The following ATF2 variants were observed in gnomAD, a reference collection of about 807,000 sequenced individuals.
The protein encoded by ATF2 is cyclic AMP-dependent transcription factor ATF-2.
ATF2 carries 24 observed loss-of-function variants against 60.6 expected under a neutral mutation model. The observed-to-expected ratio is 0.40, with a 90% CI of 0.29 to 0.56. The LOEUF (loss-of-function observed/expected upper bound fraction) is 0.56, where lower values mean the gene tolerates loss of function less well. Among genes scored for constraint, ATF2 ranks in the 20% least tolerant of loss-of-function variants. The pLI, the probability that ATF2 is intolerant of heterozygous loss-of-function variation, is 0.54. For synonymous variants in ATF2, 206 were observed against 215.4 expected, an observed-to-expected ratio of 0.96 and a Z score of 0.38; for missense variants, 433 against 607.7, an observed-to-expected ratio of 0.71 and a Z score of 3.02.
At chr2:175,085,122 G>T (rs564726806) in intron 12 of ATF2, among the ~76,000 whole-genome samples, 1 of 152,074 alleles carries the variant, frequency 6.6e-6, no homozygotes, top group Non-Finnish European at 1.5e-5. Flanking sequence ...AATCACAAAT[G>T]TCTTCTCTCT....
intron 4 of ATF2, among the ~76,000 whole-genome samples, chr2:175,127,673 C>A (rs1008208880): frequency 2.6e-5 from 4 of 152,162 alleles, no homozygotes; most frequent in African/African-American, 4.8e-5. Flanking sequence ...TTAAACACAC[C>A]ATACACATTC....
chr2:175,110,204 G>A (rs900456228), intron 10 of ATF2, among the ~76,000 whole-genome samples: 13 of 152,088 alleles, frequency 8.5e-5, no homozygotes, highest in African/African-American at 3.1e-4. Flanking sequence ...GCATGGTGGT[G>A]CACACCTGTA....
intron 11 of ATF2, among the ~76,000 whole-genome samples, chr2:175,093,876 C>T (rs1188956716): frequency 1.3e-5 from 2 of 152,100 alleles, no homozygotes; most frequent in South Asian, 4.1e-4. Context: ...TATTAATACT[C>T]ATTTTTCTGG....
intron 1 of ATF2, chr2:175,167,783 C>G (rs1700469699): frequency 2.2e-6 from 1 of 453,840 alleles, no homozygotes. Context: ...TAGGAAAGCG[C>G]GCGAGAGGGA....
intron 4 of ATF2, among the ~76,000 whole-genome samples, chr2:175,125,121 A>T (rs377389840): frequency 6.6e-6 from 1 of 152,108 alleles, no homozygotes; most frequent in Non-Finnish European, 1.5e-5. Flanking sequence ...CATTGTGTTA[A>T]AGCTGAAACT....
At chr2:175,147,417 G>A (rs1003849655) in intron 2 of ATF2, among the ~76,000 whole-genome samples, 2 of 152,078 alleles carry the variant, frequency 1.3e-5, no homozygotes, top group African/African-American at 2.4e-5. Context: ...AGAAATATCC[G>A]GATTCTAAAA....
chr2:175,108,172 C>T (rs1267033118), intron 10 of ATF2, among the ~76,000 whole-genome samples: 2 of 151,834 alleles, frequency 1.3e-5, no homozygotes, highest in Admixed American at 6.6e-5. Context: ...AGCGCCTCTG[C>T]CCGGCCGCGA....
chr2:175,116,064 G>A (rs190836073), intron 7 of ATF2, among the ~76,000 whole-genome samples: 2 of 152,220 alleles, frequency 1.3e-5, no homozygotes, highest in Non-Finnish European at 1.5e-5. Context: ...TGCGTAGACA[G>A]GCCCAGATCA....
chr2:175,167,673 C>G (rs1263347483), intron 1 of ATF2: 1 of 506,234 alleles, frequency 2.0e-6, no homozygotes, highest in African/African-American at 1.9e-5. Flanking sequence ...ACGGCTGACT[C>G]GACGCGCGCC....
chr2:175,144,593 G>A (rs186578986), intron 2 of ATF2, among the ~76,000 whole-genome samples: 2 of 152,318 alleles, frequency 1.3e-5, no homozygotes, highest in Admixed American at 6.5e-5. Flanking sequence ...TGCACGGGAG[G>A]TAGCTCAGAC....
At chr2:175,093,309 G>C in intron 11 of ATF2, 42 bp from the exon 12 acceptor site, 1 of 1,584,530 alleles carries the variant, frequency 6.3e-7, no homozygotes, top group South Asian at 1.1e-5. Context: ...TTTGTATCTA[G>C]TGAGTGAATT....
chr2:175,138,584 G>A (rs1290684705), intron 2 of ATF2, among the ~76,000 whole-genome samples: 1 of 152,066 alleles, frequency 6.6e-6, no homozygotes, highest in African/African-American at 2.4e-5. Context: ...CCATTTAACA[G>A]TATCAGACTG....
intron 12 of ATF2, among the ~76,000 whole-genome samples, chr2:175,088,529 A>G (rs1240430366): frequency 6.6e-6 from 1 of 152,050 alleles, no homozygotes; most frequent in East Asian, 2.0e-4. Flanking sequence ...TCCACTCCAC[A>G]CACATTTTGC....
chr2:175,108,388 G>A (rs571989324), intron 10 of ATF2, among the ~76,000 whole-genome samples: 8 of 148,006 alleles, frequency 5.4e-5, no homozygotes, highest in Admixed American at 4.0e-4. Context: ...GCGTCCACCC[G>A]GCCAGCCGCC....
chr2:175,115,803 A>C (rs1465447854), intron 7 of ATF2, among the ~76,000 whole-genome samples: 6 of 152,214 alleles, frequency 3.9e-5, no homozygotes, highest in Admixed American at 6.5e-5. Flanking sequence ...AGTGTTACAG[A>C]ATAATACGTG....
At chr2:175,079,859 C>A (rs1559045247) in intron 13 of ATF2, among the ~76,000 whole-genome samples, 1 of 152,074 alleles carries the variant, frequency 6.6e-6, no homozygotes, top group Non-Finnish European at 1.5e-5. Flanking sequence ...ATCATAAAGA[C>A]TAAAACTGTG....
In ATF2 at chr2:175,156,008, C is replaced by A. The variant is rs1180458086; in HGVS notation, c.-142-4850G>T. 2.0e-5 allele frequency among the ~76,000 whole-genome samples: 3 copies of A among 152,134 alleles called. No individual in the cohort carries two copies. The East Asian group carries it at 5.8e-4, about 29-fold the overall frequency. On this transcript the variant is annotated intron_variant, in intron 1 of 13. Transcript: ENST00000264110. ...GAATGGCCTTCCAAAGATGTCCATA[C>A]CCTAATCCCTGGAACCTGTTAATAG...
chr2:175,157,831 A>G (rs1699776725), intron 1 of ATF2, among the ~76,000 whole-genome samples: 1 of 152,208 alleles, frequency 6.6e-6, no homozygotes, highest in East Asian at 1.9e-4. Flanking sequence ...TTTCTCTACT[A>G]AAAATACAAA....
intron 8 of ATF2, 50 bp from the exon 9 acceptor site, chr2:175,114,158 T>C: frequency 6.6e-7 from 1 of 1,521,222 alleles, no homozygotes; most frequent in Non-Finnish European, 8.9e-7. Flanking sequence ...TCATACCAAC[T>C]GTCTCTTAAA....
Sources: gnomAD v4.1 joint callset for allele counts (sites outside exome capture counted in the v4.1 genomes callset) on GRCh38, gnomAD v4.1.1 for gene constraint, MANE v1.5 for transcripts, NCBI Gene and HGNC (gene_info 2026-07-23, HGNC 2026-07-21) for gene names.